The following PKD1 variants were observed in gnomAD, a reference collection of about 807,000 sequenced individuals.
The protein encoded by PKD1 is polycystin 1, transient receptor potential channel interacting, also known as polycystin-1.
Under a neutral mutation model 361.7 loss-of-function variants are expected in PKD1, and 81 were observed. The ratio of observed to expected loss-of-function variants is 0.22; its 90% CI spans 0.19 to 0.27. PKD1 has a LOEUF of 0.27. Among genes scored for constraint, PKD1 ranks in the 10% least tolerant of loss-of-function variants. The pLI is 1.00. For synonymous variants in PKD1, 3,615 were observed against 2,818.3 expected (o/e 1.28, Z -8.95); for missense variants, 6,399 against 6,118.3 (o/e 1.05, Z -1.53).
chr16:2,090,190 CG>C lies in PKD1; in HGVS notation c.12448del (p.Arg4150AlafsTer48). On this transcript the variant is annotated frameshift_variant, in exon 46 of 46. Coordinates refer to ENST00000262304, the MANE Select transcript of PKD1 (RefSeq NM_001009944.3). LOFTEE classifies it high-confidence loss of function. Reference sequence around the variant, plus strand: ...CATCCCTTCAAAGCGGACTTTGTGGCGGAACTGGGGGCGGCACAGGGGCTCA... The same window carrying C: ...CATCCCTTCAAAGCGGACTTTGTGGCGAACTGGGGGCGGCACAGGGGCTCA... ...WMGLSKVKEF[R>X]HKVRFEGMEP... 6.2e-7 allele frequency: 1 copy of C among 1,603,606 alleles called. No individual in the cohort carries two copies. Among genetic ancestry groups the C allele is most frequent in the Non-Finnish European group, 8.5e-7 (1 of 1,175,230 alleles).
Position 2,089,681 on chromosome 16 carries a change from C to A in PKD1, c.*46G>T. 3.2e-6 allele frequency: 5 copies of A among 1,546,326 alleles called. No individual in the cohort carries two copies. Among genetic ancestry groups the A allele is most frequent in the Non-Finnish European group, 4.4e-6 (5 of 1,144,414 alleles). ...GACAGCGGCAGAAAGTAATACTGAGCGGTGTCCACTCCGACTCCACGGCCC... is the reference window on the plus strand; with the variant it reads ...GACAGCGGCAGAAAGTAATACTGAGAGGTGTCCACTCCGACTCCACGGCCC... On this transcript the variant is annotated 3_prime_UTR_variant, in exon 46 of 46. Coordinates refer to ENST00000262304, the MANE Select transcript of PKD1 (RefSeq NM_001009944.3).
chr16:2,126,286 G>T (rs28529120), intron 1 of PKD1, among the ~76,000 whole-genome samples: 5,750 of 152,364 alleles, frequency 0.038, 353 homozygotes, highest in African/African-American at 0.13. Flanking sequence ...AGAAGGAAGA[G>T]CTGGCTTCCG....
intron 1 of PKD1, among the ~76,000 whole-genome samples, chr16:2,130,410 T>C (rs1309427794): frequency 6.6e-6 from 1 of 152,228 alleles, no homozygotes; most frequent in Non-Finnish European, 1.5e-5. Context: ...CAATGTCACC[T>C]GCACTGGGGG....
In PKD1 at chr16:2,112,860, A is replaced by G; in HGVS notation, c.3089T>C (p.Val1030Ala). The change falls in exon 13 of 46, where the codon GTG becomes GCG. Residue 1030 changes from valine to alanine, a missense_variant. Transcript: ENST00000262304. ...QGLQVSTVPAVLSPNATLALT... is the reference protein window; with the variant it reads ...QGLQVSTVPAALSPNATLALT... Reference sequence around the variant, plus strand: ...TGCTAGCGTGGCATTGGGGGACAGCACGGCCGGCACTGTGGAGACCTGCAG... The same window carrying G: ...TGCTAGCGTGGCATTGGGGGACAGCGCGGCCGGCACTGTGGAGACCTGCAG... 1 of 1,606,084 alleles carries G rather than the reference A, an allele frequency of 6.2e-7. No homozygotes were observed. Among genetic ancestry groups the G allele is most frequent in the Non-Finnish European group, 8.5e-7 (1 of 1,179,696 alleles).
chr16:2,107,851 A>C (rs1266056963), intron 16 of PKD1, 32 bp downstream of exon 16: 2 of 1,538,516 alleles, frequency 1.3e-6, no homozygotes, highest in South Asian at 1.2e-5. Flanking sequence ...GGGCTGTCCA[A>C]GGCAAGTGGC....
intron 1 of PKD1, among the ~76,000 whole-genome samples, chr16:2,125,672 TG>T (rs200706005): frequency 0.21 from 31,136 of 150,288 alleles, 3,754 homozygotes; most frequent in African/African-American, 0.31. Flanking sequence ...AGCCCACCTG[TG>T]GGGTGTAGGA....
chr16:2,097,573 C>G, intron 32 of PKD1, 70 bp from the exon 33 acceptor site: 3 of 1,604,540 alleles, frequency 1.9e-6, no homozygotes, highest in Non-Finnish European at 2.5e-6. Flanking sequence ...CGTCCAGTCA[C>G]GCACGGACAC....
chr16:2,127,516 A>G (rs1214020398), intron 1 of PKD1, among the ~76,000 whole-genome samples: 2 of 152,174 alleles, frequency 1.3e-5, no homozygotes, highest in Admixed American at 1.3e-4. Context: ...AAGCACAGGC[A>G]CAGTGTCTGG....
chr16:2,112,978 G>GT lies in PKD1; in HGVS notation c.2986-16dup. ...GAGGCCGTCAGCTGCAGGGACAGGCGTCAGTGAGCCCAGGTGGCAGGTGAG... is the reference window on the plus strand; with the variant it reads ...GAGGCCGTCAGCTGCAGGGACAGGCGTTCAGTGAGCCCAGGTGGCAGGTGAG... On this transcript the variant is annotated splice_polypyrimidine_tract_variant and intron_variant, in intron 12 of 45. Transcript: ENST00000262304. 6.3e-7 allele frequency: 1 copy of GT among 1,595,680 alleles called. No individual in the cohort carries two copies. The highest frequency in any genetic ancestry group is 8.5e-7 in the Non-Finnish European group (1 of 1,177,964).
intron 11 of PKD1, 77 bp from the exon 12 acceptor site, chr16:2,113,369 C>T (rs570691420): frequency 2.6e-5 from 37 of 1,409,828 alleles, no homozygotes; most frequent in African/African-American, 2.3e-4. Context: ...ACACACCTCC[C>T]GTCGGGCTGG....
intron 13 of PKD1, 126 bp from the exon 14 acceptor site, chr16:2,112,599 A>G (rs1467248973): frequency 3.0e-6 from 3 of 1,000,182 alleles, no homozygotes; most frequent in Non-Finnish European, 4.5e-6. Flanking sequence ...TTCAGGGCCC[A>G]CCCGGCTGTG....
At position 2,091,194 on chromosome 16, in the gene PKD1, G is replaced by A. The variant is rs1447955773; in HGVS notation, c.11713-20C>T. On this transcript the variant is annotated intron_variant, in intron 42 of 45. Coordinates refer to ENST00000262304, the MANE Select transcript of PKD1 (RefSeq NM_001009944.3). Reference sequence around the variant, plus strand: ...GCACACCTGTGGGGGGCGCGGTCAGGAGGGCGGGAGGGACGCTGCCGGGGC... The same window carrying A: ...GCACACCTGTGGGGGGCGCGGTCAGAAGGGCGGGAGGGACGCTGCCGGGGC... The A allele has an allele frequency of 2.2e-6, 3 of 1,356,528 alleles. No individual in the cohort carries two copies. Among genetic ancestry groups the A allele is most frequent in the Non-Finnish European group, 2.8e-6 (3 of 1,058,802 alleles). The allele number at this position is 1,356,528 out of a possible 1,614,324, so 84.0% of individuals were successfully genotyped here.
intron 45 of PKD1, 45 bp from the exon 46 acceptor site, chr16:2,090,239 C>T (rs199999016): frequency 6.2e-7 from 1 of 1,609,054 alleles, no homozygotes; most frequent in Non-Finnish European, 8.5e-7. Flanking sequence ...GCACCCTGGG[C>T]AGAGCCCAGG....
In PKD1 at chr16:2,105,869, T is replaced by C. The variant is rs750452782; in HGVS notation, c.7859A>G (p.Asn2620Ser). The C allele has an allele frequency of 2.5e-4, 400 of 1,595,928 alleles. No individual in the cohort carries two copies. The highest frequency in any genetic ancestry group is 3.3e-4 in the Non-Finnish European group (388 of 1,179,566). Residue 2620 changes from asparagine (N) to serine (S), a missense_variant, in exon 20 of 46, where the codon AAC becomes AGC. Transcript: ENST00000262304. ...CCCCTCCCAGGCTGCACTCACCTCG[T>C]TCAGCACGGTGACCAGGGCCAACGA... ...EYSLALVTVL[N>S]EYERALDVAA... is the part of the protein sequence containing the mutation.
At chr16:2,124,254 C>T (rs1468610922) in intron 1 of PKD1, among the ~76,000 whole-genome samples, 3 of 152,244 alleles carry the variant, frequency 2.0e-5, no homozygotes, top group Admixed American at 1.3e-4. Context: ...GTAGCTGACA[C>T]GTGTCTCATG....
chr16:2,107,842 G>C, intron 16 of PKD1, 41 bp downstream of exon 16: 1 of 1,530,358 alleles, frequency 6.5e-7, no homozygotes, highest in Non-Finnish European at 8.8e-7. Context: ...AGGGAGGCTG[G>C]GCTGTCCAAG....
At chr16:2,125,037 G>A (rs904501194) in intron 1 of PKD1, among the ~76,000 whole-genome samples, 36 of 152,306 alleles carry the variant, frequency 2.4e-4, no homozygotes, top group Admixed American at 1.6e-3. Flanking sequence ...GGGGACAGGC[G>A]GCAGTGCCAC....
In PKD1 at chr16:2,102,088, C is replaced by G. The variant is rs1421276147; in HGVS notation, c.9370G>C (p.Val3124Leu). 1 of 1,568,666 alleles carries G rather than the reference C, an allele frequency of 6.4e-7. No individual in the cohort carries two copies. The highest frequency in any genetic ancestry group is 1.8e-5 in the Admixed American group (1 of 56,386). ...GAGCCCCGGCCCCAGCCTGTCTTGA[C>G]GAGGATCTCGTACTTGAAGCGGCCC... Reference protein sequence around the residue: ...QRGRFKYEILVKTGWGRGSGT... With the variant: ...QRGRFKYEILLKTGWGRGSGT... Residue 3124 changes from valine to leucine, a missense_variant, in exon 26 of 46, where the codon GTC becomes CTC. Coordinates refer to ENST00000262304, the MANE Select transcript of PKD1 (RefSeq NM_001009944.3).
At chr16:2,107,683 G>A (rs1305877234) in intron 16 of PKD1, 200 bp downstream of exon 16, 12 of 646,540 alleles carry the variant, frequency 1.9e-5, no homozygotes, top group Non-Finnish European at 2.5e-5. Context: ...AGCATATGTG[G>A]CTTGAAGACT....
Sources: gnomAD v4.1 joint callset for allele counts (sites outside exome capture counted in the v4.1 genomes callset) on GRCh38, gnomAD v4.1.1 for gene constraint, MANE v1.5 for transcripts, NCBI Gene and HGNC (gene_info 2026-07-23, HGNC 2026-07-21) for gene names.